The following TTC1 variants were observed in gnomAD, a reference collection of about 807,000 sequenced individuals.
TTC1 encodes the protein tetratricopeptide repeat domain 1, also known as tetratricopeptide repeat protein 1.
TTC1 carries 31 observed loss-of-function variants against 37.6 expected under a neutral mutation model. The observed-to-expected ratio is 0.82, with a 90% confidence interval of 0.62 to 1.11. The LOEUF (loss-of-function observed/expected upper bound fraction) is 1.11. Ranked by LOEUF, TTC1 falls within the 50% of genes most tolerant of loss-of-function variation. TTC1 has a pLI of 0.00. For synonymous variants in TTC1, 127 were observed against 122.4 expected (o/e 1.04, Z -0.25); for missense variants, 351 against 339.0 (o/e 1.04, Z -0.28).
chr5:160,025,515 T>A (rs916060889), intron 2 of TTC1, among the ~76,000 whole-genome samples: 1 of 152,234 alleles, frequency 6.6e-6, no homozygotes, highest in African/African-American at 2.4e-5. Flanking sequence ...GCTCTGGAAC[T>A]GAATAACATG....
intron 2 of TTC1, among the ~76,000 whole-genome samples, chr5:160,025,876 G>A (rs1756794651): frequency 6.6e-6 from 1 of 152,164 alleles, no homozygotes; most frequent in South Asian, 2.1e-4. Flanking sequence ...GACTATAGAT[G>A]TGCACCACCT....
intron 5 of TTC1, among the ~76,000 whole-genome samples, chr5:160,045,512 ACATACACACTCTCTCTCTCTCTCT>A (rs1757206696): frequency 2.3e-5 from 1 of 42,850 alleles, no homozygotes; most frequent in African/African-American, 1.2e-4. Context: ...ACACACACAC[ACATACACACTCTCTCTCTCTCTCT>A]CTCTCTCTCT....
At position 160,025,681 on chromosome 5, in the gene TTC1, A is replaced by T. The variant is rs577593847; in HGVS notation, c.331-9459A>T. Among the ~76,000 whole-genome samples, 4 of 152,350 alleles carry T rather than the reference A, an allele frequency of 2.6e-5. No individual in the cohort carries two copies. The South Asian group carries it at 8.3e-4, about 32-fold the overall frequency. ...CATTACTCAGTTCTACTTCCTGCAA[A>T]CAATTCTTTATTTCCACACCTGTGG... On this transcript the variant is annotated intron_variant, in intron 2 of 7. Transcript: ENST00000231238.
At chr5:160,059,590 T>C (rs1314906286) in intron 7 of TTC1, among the ~76,000 whole-genome samples, 1 of 152,224 alleles carries the variant, frequency 6.6e-6, no homozygotes, top group East Asian at 1.9e-4. Flanking sequence ...TACAGGATTA[T>C]TAATTGACCT....
At chr5:160,026,515 T>A (rs919059977) in intron 2 of TTC1, among the ~76,000 whole-genome samples, 6 of 152,262 alleles carry the variant, frequency 3.9e-5, no homozygotes, top group African/African-American at 1.4e-4. Flanking sequence ...ATAGTTGTTA[T>A]ATTTTCCCAA....
In TTC1 at chr5:160,049,566, G is replaced by A. The variant is rs1160724224; in HGVS notation, c.594G>A (p.Leu198=). ...YIRAILRRAE[L]YEKTDKLDEA... ...GGGCAATATTGAGGAGAGCAGAGTT[G>A]TATGAGAAGACGGACAAGCTAGATG... The change falls in exon 6 of 8, where the codon TTG becomes TTA. Residue 198 remains leucine (L), a synonymous_variant. Coordinates refer to ENST00000231238, the MANE Select transcript of TTC1 (RefSeq NM_003314.3). 1.9e-6 allele frequency: 3 copies of A among 1,611,180 alleles called. No individual in the cohort carries two copies. The highest frequency in any genetic ancestry group is 2.5e-6 in the Non-Finnish European group (3 of 1,178,878).
Position 160,010,637 on chromosome 5 carries a change from A to C in TTC1, c.109A>C (p.Lys37Gln), listed in dbSNP as rs762902693. 1.2e-6 allele frequency: 2 copies of C among 1,613,994 alleles called. No individual in the cohort carries two copies. Among genetic ancestry groups the C allele is most frequent in the South Asian group, 1.1e-5 (1 of 91,058 alleles). ...TGCTGGCCCTCCAGTTCCTGATCCC[A>C]AAAATCAGCATTCCCAGAGTAAGCT... ...ECAGPPVPDPKNQHSQSKLLR... is the reference protein window; with the variant it reads ...ECAGPPVPDPQNQHSQSKLLR... Residue 37 changes from lysine to glutamine, a missense_variant, in exon 2 of 8, where the codon AAA becomes CAA. Transcript: ENST00000231238.
chr5:160,038,659 CTTTTTTT>C (rs541012506), intron 4 of TTC1, among the ~76,000 whole-genome samples: 9,864 of 120,140 alleles, frequency 0.082, 355 homozygotes, highest in Middle Eastern at 0.15. Flanking sequence ...AGTTGCGTTT[CTTTTTTT>C]TTTTTTTTTT....
At chr5:160,044,176 G>A (rs1465588591) in intron 5 of TTC1, among the ~76,000 whole-genome samples, 1 of 152,090 alleles carries the variant, frequency 6.6e-6, no homozygotes, top group Admixed American at 6.6e-5. Context: ...ATTATAGAGT[G>A]CAAGAGAACC....
rs962261248 is a variant in TTC1 at position 160,036,876 on chromosome 5, A to G, written c.504+73A>G. 6.0e-5 allele frequency: 65 copies of G among 1,090,320 alleles called. 2 individuals carry two copies. The South Asian group carries it at 8.0e-4, about 13-fold the overall frequency. 67.5% of individuals were successfully genotyped at this position (1,090,320 alleles called of 1,614,324 possible). A position where few individuals can be genotyped will look rare whatever the true frequency, so the allele number is the denominator to read the frequency against. On this transcript the variant is annotated intron_variant, in intron 4 of 7. Transcript: ENST00000231238. ...TCTTTTCATACCATAGTTTCTCTCC[A>G]GAAACTAGCATAGAGGTTGCTGCCT...
In TTC1 at chr5:160,059,425, G is replaced by A. The variant is rs552757735; in HGVS notation, c.746-5507G>A. ...ATCCAAGGCTTTGGCTTAAGGGAATGTTGTGGCTGGTTTGATCTTCTATCC... is the reference window on the plus strand; with the variant it reads ...ATCCAAGGCTTTGGCTTAAGGGAATATTGTGGCTGGTTTGATCTTCTATCC... On this transcript the variant is annotated intron_variant, in intron 7 of 7. Coordinates refer to ENST00000231238, the MANE Select transcript of TTC1 (RefSeq NM_003314.3). Among the ~76,000 whole-genome samples, 5 of 152,382 alleles carry A rather than the reference G, an allele frequency of 3.3e-5. No individual in the cohort carries two copies. The East Asian group carries it at 9.6e-4, about 29-fold the overall frequency.
chr5:160,065,492 G>A lies in TTC1; in HGVS notation c.*427G>A. Reference sequence around the variant, plus strand: ...CCCTGATCACACAGCTAACGAGGCTGCCTCCAGCATTTCCTGATTTCCTCT... The same window carrying A: ...CCCTGATCACACAGCTAACGAGGCTACCTCCAGCATTTCCTGATTTCCTCT... On this transcript the variant is annotated 3_prime_UTR_variant, in exon 8 of 8. Transcript: ENST00000231238. The A allele has an allele frequency of 2.3e-6, 1 of 439,008 alleles. No individual in the cohort carries two copies. Among genetic ancestry groups the A allele is most frequent in the South Asian group, 1.6e-5 (1 of 61,802 alleles). 27.2% of individuals were successfully genotyped at this position (439,008 alleles called of 1,614,324 possible). A position where few individuals can be genotyped will look rare whatever the true frequency, so the allele number is the denominator to read the frequency against.
chr5:160,061,447 A>G (rs1317937303), intron 7 of TTC1, among the ~76,000 whole-genome samples: 2 of 152,332 alleles, frequency 1.3e-5, no homozygotes, highest in South Asian at 2.1e-4. Flanking sequence ...TTTGGTGTAT[A>G]GACCATGTCA....
At chr5:160,031,341 T>G (rs1329493715) in intron 2 of TTC1, among the ~76,000 whole-genome samples, 2 of 152,098 alleles carry the variant, frequency 1.3e-5, no homozygotes, top group African/African-American at 4.8e-5. Flanking sequence ...ATAATTGACC[T>G]TAGCTCACAC....
Position 160,049,541 on chromosome 5 carries a change from G to A in TTC1, c.569G>A (p.Arg190Lys), listed in dbSNP as rs1757345795. ...KAIQLNPSYI[R>K]AILRRAELYE... ...ATTCAATTAAACCCCAGCTATATCA[G>A]GGCAATATTGAGGAGAGCAGAGTTG... The change falls in exon 6 of 8, where the codon AGG becomes AAG. Residue 190 changes from arginine to lysine, a missense_variant. Coordinates refer to ENST00000231238, the MANE Select transcript of TTC1 (RefSeq NM_003314.3). The A allele has an allele frequency of 1.3e-6, 2 of 1,589,544 alleles. No individual in the cohort carries two copies. Among genetic ancestry groups the A allele is most frequent in the Non-Finnish European group, 1.7e-6 (2 of 1,171,146 alleles).
chr5:160,062,044 G>A (rs1236128183), intron 7 of TTC1: 2 of 152,260 alleles, frequency 1.3e-5, no homozygotes, highest in Admixed American at 6.5e-5. Flanking sequence ...GGGAAGGGTG[G>A]CCTCTGCATG....
At chr5:160,044,293 G>A (rs1204004497) in intron 5 of TTC1, among the ~76,000 whole-genome samples, 2 of 152,110 alleles carry the variant, frequency 1.3e-5, no homozygotes, top group East Asian at 3.8e-4. Flanking sequence ...ACCTCTCACA[G>A]GAAATAATTC....
intron 7 of TTC1, among the ~76,000 whole-genome samples, chr5:160,055,116 C>T (rs1201966734): frequency 2.6e-5 from 4 of 152,086 alleles, no homozygotes; most frequent in African/African-American, 7.2e-5. Flanking sequence ...TGATACAGGT[C>T]TCCAAACAAG....
Position 160,036,677 on chromosome 5 carries a change from T to C in TTC1, c.392-14T>C. ...AAAATCAAAATGACCATTCATCCTT[T>C]CTCTTATCCTCAGATTATATAGAAG... On this transcript the variant is annotated splice_polypyrimidine_tract_variant and intron_variant, in intron 3 of 7. Coordinates refer to ENST00000231238, the MANE Select transcript of TTC1 (RefSeq NM_003314.3). The C allele has an allele frequency of 6.4e-7, 1 of 1,559,176 alleles. No homozygotes were observed. Among genetic ancestry groups the C allele is most frequent in the Non-Finnish European group, 8.8e-7 (1 of 1,130,164 alleles).
Sources: gnomAD v4.1 joint callset for allele counts (sites outside exome capture counted in the v4.1 genomes callset) on GRCh38, gnomAD v4.1.1 for gene constraint, MANE v1.5 for transcripts, NCBI Gene and HGNC (gene_info 2026-07-23, HGNC 2026-07-21) for gene names.